Variants in MAD1L1 observed in about 807,000 individuals in gnomAD.
MAD1L1 encodes mitotic arrest deficient 1 like 1, also known as mitotic spindle assembly checkpoint protein MAD1.
MAD1L1 carries 95 observed loss-of-function variants against 96.9 expected under a neutral mutation model. That is an observed-to-expected ratio of 0.98 (90% CI 0.83 to 1.16). MAD1L1 has a LOEUF of 1.16. MAD1L1 is among the 50% of genes most tolerant of loss of function. The pLI, the probability that MAD1L1 is intolerant of heterozygous loss-of-function variation, is 0.00. For missense variants in MAD1L1, 1,007 were observed against 954.4 expected (o/e 1.06, Z -0.73); for synonymous variants, 473 against 396.6 (o/e 1.19, Z -2.29).
At chr7:1,901,185 C>G (rs955193092) in intron 17 of MAD1L1, among the ~76,000 whole-genome samples, 1 of 152,222 alleles carries the variant, frequency 6.6e-6, no homozygotes, top group Non-Finnish European at 1.5e-5. Flanking sequence ...ATCAAGCCAG[C>G]GTTCTGACCC....
intron 18 of MAD1L1, among the ~76,000 whole-genome samples, chr7:1,883,680 C>T (rs541476646): frequency 1.6e-4 from 24 of 152,328 alleles, no homozygotes; most frequent in South Asian, 6.2e-4. Context: ...GCTGGGGTCG[C>T]GGGGTCCAAA....
chr7:2,016,947 G>A (rs547593475), intron 12 of MAD1L1, among the ~76,000 whole-genome samples: 29 of 152,376 alleles, frequency 1.9e-4, no homozygotes, highest in South Asian at 1.0e-3. Flanking sequence ...CGGACGCCGC[G>A]CAAGGCCGGG....
chr7:1,893,896 C>A (rs1786707490), intron 18 of MAD1L1, among the ~76,000 whole-genome samples: 1 of 152,236 alleles, frequency 6.6e-6, no homozygotes, highest in African/African-American at 2.4e-5. Context: ...CCCAAGGAGT[C>A]AGTGACCATC....
At chr7:2,013,517 G>GTC (rs1199828708) in intron 13 of MAD1L1, among the ~76,000 whole-genome samples, 2 of 152,216 alleles carry the variant, frequency 1.3e-5, no homozygotes, top group Admixed American at 1.3e-4. Flanking sequence ...GGGTTTCCTC[G>GTC]TGAGCGAAAT....
rs543986977 is a variant in MAD1L1, at chr7:2,161,610, G to A, written c.987-12372C>T. On this transcript the variant is annotated intron_variant, in intron 10 of 18. Transcript: ENST00000265854. Reference sequence around the variant, plus strand: ...GCCCCTCTGCCCGACCGCCCAGTCTGGGAAGTGAGGAGCGCCTCTTCCCGG... The same window carrying A: ...GCCCCTCTGCCCGACCGCCCAGTCTAGGAAGTGAGGAGCGCCTCTTCCCGG... Among the ~76,000 whole-genome samples, 4 of 150,440 alleles carry A rather than the reference G, an allele frequency of 2.7e-5. No homozygotes were observed. In the East Asian group the frequency reaches 8.1e-4, roughly 30 times the overall value.
intron 18 of MAD1L1, among the ~76,000 whole-genome samples, chr7:1,879,450 C>A (rs1241267655): frequency 5.5e-5 from 5 of 90,190 alleles, no homozygotes; most frequent in East Asian, 6.0e-4. Context: ...AGTGAGACTT[C>A]ATCTCCAAAA....
chr7:2,074,621 C>A (rs1785291011), intron 11 of MAD1L1, among the ~76,000 whole-genome samples: 1 of 152,266 alleles, frequency 6.6e-6, no homozygotes, highest in Non-Finnish European at 1.5e-5. Context: ...CCCCACTTGC[C>A]TGCAGGCTGA....
chr7:1,993,263 G>GT (rs1781426734), intron 14 of MAD1L1, among the ~76,000 whole-genome samples: 1 of 152,196 alleles, frequency 6.6e-6, no homozygotes. Context: ...AATAACCCTA[G>GT]TAAGCAGTGG....
intron 18 of MAD1L1, among the ~76,000 whole-genome samples, chr7:1,891,719 G>A (rs557004181): frequency 5.3e-5 from 8 of 152,128 alleles, no homozygotes; most frequent in South Asian, 4.2e-4. Flanking sequence ...TAGCTGGGAC[G>A]ATAAGCAGGC....
At chr7:1,874,485 G>A (rs1335192079) in intron 18 of MAD1L1, 2 of 454,194 alleles carry the variant, frequency 4.4e-6, no homozygotes, top group Non-Finnish European at 8.8e-6. Flanking sequence ...GCGGAGGGCT[G>A]ACCTTTTGAT....
intron 18 of MAD1L1, among the ~76,000 whole-genome samples, chr7:1,890,812 C>G (rs532797072): frequency 6.6e-6 from 1 of 152,362 alleles, no homozygotes; most frequent in African/African-American, 2.4e-5. Flanking sequence ...GAAGTCATTT[C>G]CCAGGGCCAA....
At position 1,957,107 on chromosome 7, in the gene MAD1L1, G is replaced by A. The variant is rs965024588; in HGVS notation, c.1596+522C>T. Among the ~76,000 whole-genome samples the A allele has an allele frequency of 5.3e-5, 8 of 152,344 alleles. 1 individual carries two copies. The South Asian group carries it at 1.2e-3, about 24-fold the overall frequency. On this transcript the variant is annotated intron_variant, in intron 16 of 18. Coordinates refer to ENST00000265854, the MANE Select transcript of MAD1L1 (RefSeq NM_001013836.2). ...ATGACAGGTCCTAGGCTGAGGACAG[G>A]CCAGCGCGGCTCGGAGCCGCCCATC...
At chr7:2,073,721 T>A (rs755199531) in intron 11 of MAD1L1, among the ~76,000 whole-genome samples, 2 of 152,150 alleles carry the variant, frequency 1.3e-5, no homozygotes, top group Non-Finnish European at 2.9e-5. Context: ...GACAGAGGCA[T>A]AGGGGCGTGG....
intron 11 of MAD1L1, among the ~76,000 whole-genome samples, chr7:2,095,741 G>A (rs1303420053): frequency 6.6e-6 from 1 of 152,234 alleles, no homozygotes; most frequent in Admixed American, 6.5e-5. Flanking sequence ...AGCCGGCGGG[G>A]CCAACGCAGG....
At chr7:2,130,589 T>G (rs963763687) in intron 11 of MAD1L1, among the ~76,000 whole-genome samples, 6 of 151,970 alleles carry the variant, frequency 3.9e-5, no homozygotes, top group African/African-American at 1.5e-4. Flanking sequence ...CTCCTACTTG[T>G]AAAAGAAAAT....
intron 12 of MAD1L1, among the ~76,000 whole-genome samples, chr7:2,063,230 G>A (rs2128524928): frequency 6.6e-6 from 1 of 152,266 alleles, no homozygotes; most frequent in East Asian, 1.9e-4. Context: ...CTGGACGTGG[G>A]GTGGGTGGGA....
At chr7:2,001,295 G>A (rs1336963882) in intron 14 of MAD1L1, among the ~76,000 whole-genome samples, 1 of 152,292 alleles carries the variant, frequency 6.6e-6, no homozygotes, top group Non-Finnish European at 1.5e-5. Context: ...ACGCACGCAC[G>A]CATGCCCCAG....
At chr7:2,108,191 T>C (rs566936886) in intron 11 of MAD1L1, among the ~76,000 whole-genome samples, 1 of 152,378 alleles carries the variant, frequency 6.6e-6, no homozygotes, top group Non-Finnish European at 1.5e-5. Flanking sequence ...GTGGGATTCA[T>C]GTCCGCTGAT....
chr7:1,973,525 T>C (rs1780496268), intron 15 of MAD1L1, among the ~76,000 whole-genome samples: 1 of 151,936 alleles, frequency 6.6e-6, no homozygotes, highest in African/African-American at 2.4e-5. Context: ...AATGTGTACC[T>C]GCTCACGAGG....
Sources: gnomAD v4.1 joint callset for allele counts (sites outside exome capture counted in the v4.1 genomes callset) on GRCh38, gnomAD v4.1.1 for gene constraint, MANE v1.5 for transcripts, NCBI Gene and HGNC (gene_info 2026-07-23, HGNC 2026-07-21) for gene names.